ARHGAP32: variants seen among roughly 807,000 people sequenced by gnomAD.
ARHGAP32 encodes the protein Rho GTPase activating protein 32, also known as rho GTPase-activating protein 32.
Under a neutral mutation model 186.5 loss-of-function variants are expected in ARHGAP32, and 51 were observed. The observed-to-expected ratio is 0.27, with a 90% confidence interval of 0.22 to 0.35. The LOEUF (loss-of-function observed/expected upper bound fraction) is 0.35. Among genes scored for constraint, ARHGAP32 ranks in the 10% least tolerant of loss-of-function variants. The probability of loss-of-function intolerance (pLI) is 1.00; values close to 1 mark genes in which losing one functional copy is unlikely to be tolerated. For missense variants in ARHGAP32, 2,186 were observed against 2,623.5 expected (o/e 0.83, Z 3.64); for synonymous variants, 950 against 964.3 (o/e 0.99, Z 0.27).
chr11:129,062,460 T>C (rs1940540007), intron 9 of ARHGAP32, 103 bp from the exon 10 acceptor site: 1 of 860,450 alleles, frequency 1.2e-6, no homozygotes, highest in Non-Finnish European at 1.8e-6. Context: ...TAAAGTACTA[T>C]TCATGCTCTG....
rs188898344 is a variant in ARHGAP32 at position 129,004,037 on chromosome 11, T to C, written c.1046-5569A>G. Among the ~76,000 whole-genome samples the C allele has an allele frequency of 5.9e-3, 894 of 152,148 alleles. 14 individuals are homozygous for C. The highest frequency in any genetic ancestry group is 0.02 in the African/African-American group (848 of 41,566). ...CCCTCTTAGTACAGCTTTTATTGTA[T>C]CCCATAGGTTTTGGTATGTTGTTTC... On this transcript the variant is annotated intron_variant, in intron 11 of 22. Coordinates refer to ENST00000682385, the MANE Select transcript of ARHGAP32 (RefSeq NM_001378024.1).
At chr11:129,264,803 G>C (rs1033967001) in intron 1 of ARHGAP32, among the ~76,000 whole-genome samples, 1 of 152,146 alleles carries the variant, frequency 6.6e-6, no homozygotes, top group Non-Finnish European at 1.5e-5. Flanking sequence ...CTATAATGAG[G>C]TTCTGATCAT....
chr11:129,139,741 C>T (rs1231282204), intron 2 of ARHGAP32, among the ~76,000 whole-genome samples: 1 of 152,198 alleles, frequency 6.6e-6, no homozygotes, highest in South Asian at 2.1e-4. Flanking sequence ...GAGGCCTCCC[C>T]AGCCATGTGG....
intron 1 of ARHGAP32, among the ~76,000 whole-genome samples, chr11:129,220,162 C>CCT (rs1269135104): frequency 6.6e-6 from 1 of 152,146 alleles, no homozygotes; most frequent in African/African-American, 2.4e-5. Context: ...AATGGATCAA[C>CCT]TTTTTTTAAA....
At chr11:129,122,993 G>C (rs1942570238) in intron 5 of ARHGAP32, among the ~76,000 whole-genome samples, 1 of 152,114 alleles carries the variant, frequency 6.6e-6, no homozygotes, top group Admixed American at 6.6e-5. Flanking sequence ...TATGTAGGTT[G>C]ATGTCAAGTT....
intron 1 of ARHGAP32, among the ~76,000 whole-genome samples, chr11:129,181,173 G>A (rs534202646): frequency 6.6e-5 from 10 of 151,818 alleles, no homozygotes; most frequent in Non-Finnish European, 4.4e-5. Flanking sequence ...CTTATTCTTC[G>A]CCAAATTTGG....
intron 6 of ARHGAP32, among the ~76,000 whole-genome samples, chr11:129,074,232 C>G (rs1940965497): frequency 6.6e-6 from 1 of 151,880 alleles, no homozygotes; most frequent in Non-Finnish European, 1.5e-5. Context: ...ACAGTTTGTT[C>G]AAATAATAGC....
chr11:129,262,773 T>A (rs1032045702), intron 1 of ARHGAP32, among the ~76,000 whole-genome samples: 10 of 38,262 alleles, frequency 2.6e-4, no homozygotes, highest in African/African-American at 1.2e-3. Context: ...GGGAGAAGAC[T>A]GCAACACACC....
chr11:129,244,718 C>G (rs1049555767), intron 1 of ARHGAP32, among the ~76,000 whole-genome samples: 1 of 151,846 alleles, frequency 6.6e-6, no homozygotes, highest in Non-Finnish European at 1.5e-5. Context: ...GGCTAATATC[C>G]AGAATCTACA....
intron 3 of ARHGAP32, among the ~76,000 whole-genome samples, chr11:129,124,454 C>T (rs1942610702): frequency 6.6e-6 from 1 of 152,024 alleles, no homozygotes; most frequent in Non-Finnish European, 1.5e-5. Context: ...AAAGGCAAAC[C>T]TGAAATCTAA....
intron 6 of ARHGAP32, among the ~76,000 whole-genome samples, chr11:129,086,612 G>C (rs1462438966): frequency 1.3e-5 from 2 of 152,090 alleles, no homozygotes; most frequent in Non-Finnish European, 2.9e-5. Flanking sequence ...ACAAGGTCAG[G>C]AGATCGAGAC....
intron 1 of ARHGAP32, among the ~76,000 whole-genome samples, chr11:129,221,609 G>A (rs1944712774): frequency 6.6e-6 from 1 of 150,902 alleles, no homozygotes; most frequent in South Asian, 2.1e-4. Context: ...AGAAACTCCA[G>A]GGCTCTCTGC....
At chr11:129,271,910 G>A (rs1313065905) in intron 1 of ARHGAP32, among the ~76,000 whole-genome samples, 2 of 151,698 alleles carry the variant, frequency 1.3e-5, no homozygotes, top group African/African-American at 4.8e-5. Context: ...AAGAAATCAA[G>A]GATAAGGATG....
At chr11:129,099,187 T>C (rs766741982) in intron 5 of ARHGAP32, among the ~76,000 whole-genome samples, 8 of 152,192 alleles carry the variant, frequency 5.3e-5, no homozygotes, top group Non-Finnish European at 8.8e-5. Flanking sequence ...AATAACAAAG[T>C]AACATAATTC....
At chr11:129,115,538 C>T (rs145466652) in intron 5 of ARHGAP32, among the ~76,000 whole-genome samples, 352 of 152,222 alleles carry the variant, frequency 2.3e-3, no homozygotes, top group African/African-American at 8.3e-3. Context: ...TGATGCCCAT[C>T]ATATGAAGAA....
Position 129,257,173 on chromosome 11 carries a change from G to A in ARHGAP32, c.-5+21973C>T, listed in dbSNP as rs1945264979. Among the ~76,000 whole-genome samples the A allele has an allele frequency of 2.6e-5, 4 of 152,128 alleles. No individual in the cohort carries two copies. The South Asian group carries it at 6.2e-4, about 24-fold the overall frequency. On this transcript the variant is annotated intron_variant, in intron 1 of 6. Transcript: ENST00000525234. ...TATTAGAAAGGAAAAGGGAAGAAAT[G>A]AACCTCAGACAAGTAGGAAAAATCT...
At chr11:129,090,778 A>C (rs984721705) in intron 6 of ARHGAP32, among the ~76,000 whole-genome samples, 8 of 152,172 alleles carry the variant, frequency 5.3e-5, no homozygotes, top group Non-Finnish European at 7.4e-5. Context: ...TTAAACTCAC[A>C]AAACGTTTTA....
At chr11:129,085,400 CT>C (rs1275861473) in intron 6 of ARHGAP32, among the ~76,000 whole-genome samples, 1 of 152,074 alleles carries the variant, frequency 6.6e-6, no homozygotes, top group Non-Finnish European at 1.5e-5. Flanking sequence ...AGCTATATAT[CT>C]AACAAAATAC....
chr11:129,095,618 A>G (rs1941708192), intron 5 of ARHGAP32, among the ~76,000 whole-genome samples: 1 of 152,126 alleles, frequency 6.6e-6, no homozygotes, highest in African/African-American at 2.4e-5. Flanking sequence ...ACTGGAAGAT[A>G]CCCCTCTGAA....
Sources: allele counts gnomAD v4.1 joint callset (sites outside exome capture counted in the v4.1 genomes callset), GRCh38; gene constraint gnomAD v4.1.1; transcripts MANE v1.5; gene names NCBI Gene and HGNC (gene_info 2026-07-23, HGNC 2026-07-21).